Variants in VWC2 observed in about 807,000 individuals in gnomAD.
VWC2 encodes the protein von Willebrand factor C domain containing 2.
VWC2 carries 14 observed loss-of-function variants against 29.8 expected under a neutral mutation model. The observed-to-expected ratio is 0.47, with a 90% confidence interval of 0.31 to 0.74. VWC2 has a LOEUF of 0.74. VWC2 is among the 30% of genes least tolerant of loss of function. VWC2 has a pLI of 0.05. For missense variants in VWC2, 457 were observed against 459.8 expected, an observed-to-expected ratio of 0.99 and a Z score of 0.05; for synonymous variants, 213 against 199.0, an observed-to-expected ratio of 1.07 and a Z score of -0.59.
At chr7:49,887,776 C>T (rs1194515603) in intron 3 of VWC2, among the ~76,000 whole-genome samples, 1 of 152,190 alleles carries the variant, frequency 6.6e-6, no homozygotes, top group Non-Finnish European at 1.5e-5. Flanking sequence ...CATGGCACTT[C>T]CACTGTCTGG....
chr7:49,876,111 A>C (rs1791405744), intron 3 of VWC2, among the ~76,000 whole-genome samples: 1 of 152,178 alleles, frequency 6.6e-6, no homozygotes, highest in African/African-American at 2.4e-5. Flanking sequence ...CTAATCCTAA[A>C]GAAAGGATCC....
rs1416363967 is a variant in VWC2, at chr7:49,912,080, A to G, written c.873A>G (p.Glu291=). Residue 291 remains glutamate (E), a synonymous_variant, in exon 4 of 4, where the codon GAA becomes GAG. Coordinates refer to ENST00000340652, the MANE Select transcript of VWC2 (RefSeq NM_198570.5). ...CCGCGGTGATCCCTGCTGGCAGAGA[A>G]GTGAAGACTGACGAGTGCACCATAT... ...AETAVIPAGR[E]VKTDECTICH... The G allele has an allele frequency of 2.5e-6, 4 of 1,614,164 alleles. No homozygotes were observed. The highest frequency in any genetic ancestry group is 3.4e-6 in the Non-Finnish European group (4 of 1,180,014).
At chr7:49,824,880 C>T (rs1789357697) in intron 3 of VWC2, among the ~76,000 whole-genome samples, 1 of 152,012 alleles carries the variant, frequency 6.6e-6, no homozygotes, top group South Asian at 2.1e-4. Context: ...GTATTTCCTA[C>T]CTTGCAAAAT....
intron 3 of VWC2, among the ~76,000 whole-genome samples, chr7:49,872,401 AATTAG>A (rs780979484): frequency 1.3e-5 from 2 of 152,142 alleles, no homozygotes; most frequent in Non-Finnish European, 2.9e-5. Flanking sequence ...ACACAGAAAA[AATTAG>A]ATTAGATCAC....
intron 3 of VWC2, among the ~76,000 whole-genome samples, chr7:49,874,050 G>A (rs1583725135): frequency 6.6e-6 from 1 of 151,864 alleles, no homozygotes; most frequent in African/African-American, 2.4e-5. Context: ...AGCATACATG[G>A]CATATTTTGC....
intron 2 of VWC2, among the ~76,000 whole-genome samples, chr7:49,783,705 G>C (rs1271329903): frequency 1.3e-5 from 2 of 152,174 alleles, no homozygotes; most frequent in Non-Finnish European, 2.9e-5. Context: ...CGAGGGCCCT[G>C]TGAGTTCTCT....
intron 2 of VWC2, among the ~76,000 whole-genome samples, chr7:49,784,702 T>C (rs530690071): frequency 6.6e-6 from 1 of 152,350 alleles, no homozygotes; most frequent in African/African-American, 2.4e-5. Flanking sequence ...GCTTACCCTC[T>C]TATGGATGTG....
intron 3 of VWC2, among the ~76,000 whole-genome samples, chr7:49,828,879 A>G (rs1789463757): frequency 6.6e-6 from 1 of 152,134 alleles, no homozygotes; most frequent in African/African-American, 2.4e-5. Context: ...ATACTCACCT[A>G]GGGCCAGGTC....
intron 2 of VWC2, among the ~76,000 whole-genome samples, chr7:49,783,013 G>A (rs553144835): frequency 2.0e-5 from 3 of 152,186 alleles, no homozygotes; most frequent in Non-Finnish European, 4.4e-5. Context: ...GTGCAGCTCA[G>A]GGGGAGGTAG....
intron 3 of VWC2, among the ~76,000 whole-genome samples, chr7:49,882,600 T>C (rs538481012): frequency 7.3e-5 from 11 of 150,938 alleles, no homozygotes; most frequent in African/African-American, 2.7e-4. Context: ...GAGACAGAGA[T>C]AGTGAGTACA....
At chr7:49,797,443 G>A (rs1788618295) in intron 2 of VWC2, among the ~76,000 whole-genome samples, 1 of 152,156 alleles carries the variant, frequency 6.6e-6, no homozygotes, top group Non-Finnish European at 1.5e-5. Flanking sequence ...ATTCTTCATT[G>A]TTTTGCTTCA....
intron 3 of VWC2, among the ~76,000 whole-genome samples, chr7:49,897,183 C>T (rs1209438460): frequency 1.3e-5 from 2 of 152,106 alleles, no homozygotes; most frequent in African/African-American, 4.8e-5. Flanking sequence ...GCGTGAGCCA[C>T]CGCGCCCGGC....
intron 2 of VWC2, among the ~76,000 whole-genome samples, chr7:49,783,275 A>C (rs1017348520): frequency 6.6e-6 from 1 of 152,082 alleles, no homozygotes; most frequent in African/African-American, 2.4e-5. Flanking sequence ...GGAGACAGGC[A>C]GCAGTAGTGT....
intron 3 of VWC2, among the ~76,000 whole-genome samples, chr7:49,865,314 T>A (rs1790832965): frequency 6.6e-6 from 1 of 152,218 alleles, no homozygotes; most frequent in African/African-American, 2.4e-5. Context: ...TTCTCTCCTA[T>A]CCATTTTGAT....
intron 3 of VWC2, among the ~76,000 whole-genome samples, chr7:49,818,429 G>A (rs1222985961): frequency 6.6e-6 from 1 of 151,942 alleles, no homozygotes; most frequent in East Asian, 1.9e-4. Flanking sequence ...CCCATCTTAT[G>A]CCAGTCTGAT....
At chr7:49,874,282 T>C (rs1199209810) in intron 3 of VWC2, among the ~76,000 whole-genome samples, 1 of 152,238 alleles carries the variant, frequency 6.6e-6, no homozygotes, top group Non-Finnish European at 1.5e-5. Context: ...ACTGCATTTT[T>C]ACTCTACCTT....
chr7:49,871,134 A>T (rs1791132114), intron 3 of VWC2, among the ~76,000 whole-genome samples: 1 of 152,234 alleles, frequency 6.6e-6, no homozygotes, highest in Non-Finnish European at 1.5e-5. Flanking sequence ...ACAAAAGGTG[A>T]TAAAGGAATA....
At chr7:49,838,892 C>T (rs515813) in intron 3 of VWC2, among the ~76,000 whole-genome samples, 2,024 of 152,184 alleles carry the variant, frequency 0.013, 55 homozygotes, top group African/African-American at 0.047. Flanking sequence ...TTAAGATGTG[C>T]TAGGAACTGA....
intron 3 of VWC2, among the ~76,000 whole-genome samples, chr7:49,898,119 GTGTGTGTGTGTATGTA>G (rs1457072322): frequency 2.6e-5 from 4 of 152,136 alleles, no homozygotes; most frequent in South Asian, 4.2e-4. Flanking sequence ...ATATATGTGT[GTGTGTGTGTGTATGTA>G]TGTGTGTGTG....
Sources: gnomAD v4.1 joint callset for allele counts (sites outside exome capture counted in the v4.1 genomes callset) on GRCh38, gnomAD v4.1.1 for gene constraint, MANE v1.5 for transcripts, NCBI Gene and HGNC (gene_info 2026-07-23, HGNC 2026-07-21) for gene names.